The following CTNND1 variants were observed in gnomAD, a reference collection of about 807,000 sequenced individuals.
CTNND1 encodes the protein catenin delta-1.
CTNND1 carries 16 observed loss-of-function variants against 112.1 expected under a neutral mutation model. The ratio of observed to expected loss-of-function variants is 0.14; its 90% confidence interval spans 0.10 to 0.22. The LOEUF (loss-of-function observed/expected upper bound fraction) is 0.22, where lower values mean the gene tolerates loss of function less well. CTNND1 is among the 10% of genes least tolerant of loss of function. The probability of loss-of-function intolerance (pLI) is 1.00; values close to 1 mark genes in which losing one functional copy is unlikely to be tolerated. For synonymous variants in CTNND1, 420 were observed against 446.5 expected (o/e 0.94, Z 0.75); for missense variants, 1,008 against 1,257.0 (o/e 0.80, Z 3.00).
At chr11:57,792,756 C>G (rs1271054768) in intron 3 of CTNND1, among the ~76,000 whole-genome samples, 1 of 151,784 alleles carries the variant, frequency 6.6e-6, no homozygotes, top group Non-Finnish European at 1.5e-5. Context: ...GTCTCGATCT[C>G]TTGACCTCGT....
Position 57,803,036 on chromosome 11 carries a change from G to A in CTNND1, c.1421-585G>A, listed in dbSNP as rs190467524. On this transcript the variant is annotated intron_variant, in intron 7 of 20. Transcript: ENST00000399050. ...CCTCATAACAAAGAATCATCTGGCCGAAAATGTCAGTGGTGCTGAGGTTGA... is the reference window on the plus strand; with the variant it reads ...CCTCATAACAAAGAATCATCTGGCCAAAAATGTCAGTGGTGCTGAGGTTGA... Among the ~76,000 whole-genome samples the A allele has an allele frequency of 3.0e-4, 46 of 152,298 alleles. No homozygotes were observed. The East Asian group carries it at 7.1e-3, about 24-fold the overall frequency.
intron 1 of CTNND1, among the ~76,000 whole-genome samples, chr11:57,784,951 T>A (rs2059978940): frequency 6.6e-6 from 1 of 152,214 alleles, no homozygotes; most frequent in Non-Finnish European, 1.5e-5. Flanking sequence ...GTTTTATATA[T>A]ATTAGCTCAT....
At chr11:57,772,976 A>G (rs1009055529) in intron 1 of CTNND1, among the ~76,000 whole-genome samples, 1 of 152,132 alleles carries the variant, frequency 6.6e-6, no homozygotes, top group African/African-American at 2.4e-5. Context: ...GTTACTTAAT[A>G]TTAGGGATGC....
chr11:57,798,298 G>A (rs2061590892), intron 6 of CTNND1, among the ~76,000 whole-genome samples: 1 of 142,462 alleles, frequency 7.0e-6, no homozygotes, highest in Admixed American at 7.4e-5. Flanking sequence ...AGTGAGCCGA[G>A]ATCCCGCCAC....
In CTNND1 at chr11:57,804,651, G is replaced by A. The variant is rs1331820960; in HGVS notation, c.1605-12G>A. 7.5e-6 allele frequency: 12 copies of A among 1,607,086 alleles called. No homozygotes were observed. The highest frequency in any genetic ancestry group is 1.0e-5 in the Non-Finnish European group (12 of 1,173,934). ...GATTTGAGTCATCTTGAAGCTTCTGGTTTCCCCTCAGGAATGTAAGCTCAG... is the reference window on the plus strand; with the variant it reads ...GATTTGAGTCATCTTGAAGCTTCTGATTTCCCCTCAGGAATGTAAGCTCAG... On this transcript the variant is annotated splice_polypyrimidine_tract_variant and intron_variant, in intron 8 of 20. Coordinates refer to ENST00000399050, the MANE Select transcript of CTNND1 (RefSeq NM_001085458.2).
chr11:57,796,474 G>C lies in CTNND1; in HGVS notation c.438G>C (p.Lys146Asn), dbSNP rs2061379738. 6.2e-7 allele frequency: 1 copy of C among 1,602,468 alleles called. No homozygotes were observed. The highest frequency in any genetic ancestry group is 2.2e-5 in the East Asian group (1 of 44,616). Reference sequence around the variant, plus strand: ...ACTTGCAGGTCAAGAAAGTAGTGAAGACTGTGACAACACGGACAGTACAGC... The same window carrying C: ...ACTTGCAGGTCAAGAAAGTAGTGAACACTGTGACAACACGGACAGTACAGC... Reference protein sequence around the residue: ...RTETTVKKVVKTVTTRTVQPV... With the variant: ...RTETTVKKVVNTVTTRTVQPV... The change falls in exon 6 of 21, where the codon AAG becomes AAC. Residue 146 changes from lysine (K) to asparagine (N), a missense_variant. Around this residue, in one of 5 missense-constraint regions of CTNND1, gnomAD observed 404 missense variants for 457.9 expected, o/e 0.88. Transcript: ENST00000399050.
chr11:57,796,569 T>G lies in CTNND1; in HGVS notation c.533T>G (p.Leu178Trp). Residue 178 changes from leucine (L) to tryptophan (W), a missense_variant, in exon 6 of 21, where the codon TTG becomes TGG. This residue lies in a region of CTNND1 where 404 missense variants were observed against 457.9 expected (regional missense o/e 0.88). Transcript: ENST00000399050. ...GTTTCTAACAACTATATCCAGACTT[T>G]GGGTCGTGATTTCCGCAAGAATGGC... ...SSVSNNYIQTLGRDFRKNGNG... is the reference protein window; with the variant it reads ...SSVSNNYIQTWGRDFRKNGNG... 6.2e-7 allele frequency: 1 copy of G among 1,613,968 alleles called. No individual in the cohort carries two copies. Among genetic ancestry groups the G allele is most frequent in the Non-Finnish European group, 8.5e-7 (1 of 1,179,888 alleles).
chr11:57,813,991 C>A, intron 17 of CTNND1: 1 of 188,934 alleles, frequency 5.3e-6, no homozygotes, highest in Non-Finnish European at 1.1e-5. Context: ...TTGAAAACTG[C>A]TAGTTTAGAT....
At chr11:57,805,802 C>T in intron 9 of CTNND1, 80 bp from the exon 10 acceptor site, 1 of 1,480,234 alleles carries the variant, frequency 6.8e-7, no homozygotes, top group Non-Finnish European at 9.2e-7. Context: ...CATTTTAATA[C>T]CTGAGTCATG....
chr11:57,777,201 T>G (rs916364584), intron 1 of CTNND1, among the ~76,000 whole-genome samples: 1 of 152,192 alleles, frequency 6.6e-6, no homozygotes, highest in Admixed American at 6.5e-5. Flanking sequence ...TTGCTAAATA[T>G]TCTTTTCTAT....
chr11:57,793,984 T>C (rs779564095), intron 3 of CTNND1, 26 bp from the exon 4 acceptor site: 8 of 1,611,468 alleles, frequency 5.0e-6, no homozygotes, highest in Non-Finnish European at 6.8e-6. Context: ...ACAAAATGAA[T>C]TGTCTTCTTG....
intron 6 of CTNND1, among the ~76,000 whole-genome samples, chr11:57,801,409 A>G (rs2062009803): frequency 6.6e-6 from 1 of 152,224 alleles, no homozygotes; most frequent in Admixed American, 6.5e-5. Flanking sequence ...GTCAGATATC[A>G]TTCAAATAAA....
chr11:57,818,753 ATTC>A lies in CTNND1; in HGVS notation c.*2450_*2452del, dbSNP rs752647104. Reference sequence around the variant, plus strand: ...TTAATGACTTACTTTAATTACTGGAATTCTTCTGCAACATTTGACAAAACTAAC... The same window carrying A: ...TTAATGACTTACTTTAATTACTGGAATTCTGCAACATTTGACAAAACTAAC... On this transcript the variant is annotated 3_prime_UTR_variant, in exon 21 of 21. Coordinates refer to ENST00000399050, the MANE Select transcript of CTNND1 (RefSeq NM_001085458.2). 6.6e-6 allele frequency: 1 copy of A among 152,338 alleles called. No homozygotes were observed. The highest frequency in any genetic ancestry group is 1.9e-4 in the East Asian group (1 of 5,192). 9.4% of individuals were successfully genotyped at this position (152,338 alleles called of 1,614,324 possible).
chr11:57,808,820 TC>T (rs1342714743), intron 14 of CTNND1, among the ~76,000 whole-genome samples: 1 of 152,218 alleles, frequency 6.6e-6, no homozygotes, highest in East Asian at 1.9e-4. Flanking sequence ...TTCCATTTAA[TC>T]CTCACCACTT....
chr11:57,778,797 G>A (rs138196438), intron 1 of CTNND1, among the ~76,000 whole-genome samples: 1 of 152,162 alleles, frequency 6.6e-6, no homozygotes, highest in Admixed American at 6.5e-5. Context: ...GAACAGAGAG[G>A]GTCGATGTCT....
At chr11:57,773,435 A>AGGG (rs1953257750) in intron 1 of CTNND1, among the ~76,000 whole-genome samples, 1 of 149,078 alleles carries the variant, frequency 6.7e-6, no homozygotes, top group Non-Finnish European at 1.5e-5. Flanking sequence ...GGCCAGCCTG[A>AGGG]GAGTACCTGA....
chr11:57,770,312 A>G (rs1035118038), intron 1 of CTNND1, among the ~76,000 whole-genome samples: 8 of 151,864 alleles, frequency 5.3e-5, no homozygotes, highest in African/African-American at 1.9e-4. Flanking sequence ...CCTGGGCAAC[A>G]GAGTGAGACT....
At chr11:57,803,913 T>G (rs2062327030) in intron 8 of CTNND1, 109 bp downstream of exon 8, 3 of 855,710 alleles carry the variant, frequency 3.5e-6, no homozygotes. Flanking sequence ...TAGCCTCCAT[T>G]CCTATCTGTA....
chr11:57,806,521 A>C (rs1269769829), intron 11 of CTNND1, 43 bp downstream of exon 11: 2 of 1,559,712 alleles, frequency 1.3e-6, no homozygotes, highest in Non-Finnish European at 1.7e-6. Context: ...TCTAATTTGC[A>C]TGTTTTGATT....
Sources: allele counts gnomAD v4.1 joint callset (sites outside exome capture counted in the v4.1 genomes callset), GRCh38; gene constraint gnomAD v4.1.1; regional missense constraint gnomAD v4.1.1; transcripts MANE v1.5; gene names NCBI Gene and HGNC (gene_info 2026-07-23, HGNC 2026-07-21).